The following ATXN1 variants were observed in gnomAD, a reference collection of about 807,000 sequenced individuals.
The protein encoded by ATXN1 is ataxin 1, also known as ataxin-1.
In ATXN1, 8 loss-of-function variants were observed where a neutral mutation model predicts 56.4. That is an observed-to-expected ratio of 0.14 (90% CI 0.08 to 0.26). The LOEUF (loss-of-function observed/expected upper bound fraction) is 0.26. ATXN1 is among the 10% of genes least tolerant of loss of function. ATXN1 has a pLI of 1.00. For synonymous variants in ATXN1, 514 were observed against 494.6 expected, an observed-to-expected ratio of 1.04 and a Z score of -0.52; for missense variants, 987 against 1,106.5, an observed-to-expected ratio of 0.89 and a Z score of 1.53.
intron 5 of ATXN1, among the ~76,000 whole-genome samples, chr6:16,489,977 G>A (rs1760628340): frequency 6.6e-6 from 1 of 152,030 alleles, no homozygotes; most frequent in Non-Finnish European, 1.5e-5. Context: ...TGCTGGTCCA[G>A]GGACCAGACT....
intron 6 of ATXN1, among the ~76,000 whole-genome samples, chr6:16,424,684 T>G (rs921166915): frequency 5.9e-5 from 9 of 152,232 alleles, no homozygotes; most frequent in Non-Finnish European, 1.0e-4. Flanking sequence ...CTCACTGGCC[T>G]GGCTTTGAAA....
rs1422488648 is a variant in ATXN1 at position 16,327,131 on chromosome 6, C to T, written c.1180G>A (p.Asp394Asn). ...TGAGTGGCCTGTTGCACCTCCAGGT[C>T]AGCTGCGGGCGTGTTGCTGTTGGGC... The part of the protein sequence containing the change: ...VLPNSNTPAA[D>N]LEVQQATHRE... The change falls in exon 7 of 8, where the codon GAC becomes AAC. Residue 394 changes from aspartate (D) to asparagine (N), a missense_variant. Asp to Asn is a conservative substitution (Grantham distance 23). Coordinates refer to ENST00000436367, the MANE Select transcript of ATXN1 (RefSeq NM_001128164.2). The T allele has an allele frequency of 6.2e-7, 1 of 1,613,636 alleles. No homozygotes were observed. The highest frequency in any genetic ancestry group is 1.7e-5 in the Admixed American group (1 of 60,032).
intron 6 of ATXN1, among the ~76,000 whole-genome samples, chr6:16,431,126 T>G (rs573851219): frequency 8.6e-5 from 13 of 151,926 alleles, no homozygotes; most frequent in East Asian, 5.8e-4. Flanking sequence ...GGGGTTTTTT[T>G]GGGGGAAATG....
intron 6 of ATXN1, among the ~76,000 whole-genome samples, chr6:16,434,842 C>T (rs974660139): frequency 6.6e-5 from 10 of 152,138 alleles, no homozygotes; most frequent in African/African-American, 1.9e-4. Flanking sequence ...CACATAAATA[C>T]CTATTTTTAT....
At chr6:16,733,144 T>G (rs897365913) in intron 2 of ATXN1, among the ~76,000 whole-genome samples, 6 of 152,226 alleles carry the variant, frequency 3.9e-5, no homozygotes, top group African/African-American at 1.4e-4. Context: ...ATTAAAGCAT[T>G]AAGGGACAAC....
intron 5 of ATXN1, among the ~76,000 whole-genome samples, chr6:16,497,685 C>T (rs903744660): frequency 6.6e-6 from 1 of 152,142 alleles, no homozygotes; most frequent in Non-Finnish European, 1.5e-5. Context: ...GGTGGCAGGG[C>T]CATGCTGGGA....
intron 6 of ATXN1, among the ~76,000 whole-genome samples, chr6:16,351,499 C>A (rs147733686): frequency 2.2e-3 from 332 of 151,882 alleles, no homozygotes; most frequent in African/African-American, 7.5e-3. Context: ...ACCTCCCAGG[C>A]TCAAGCCATC....
intron 6 of ATXN1, among the ~76,000 whole-genome samples, chr6:16,438,461 T>C (rs1259198057): frequency 6.6e-6 from 1 of 152,216 alleles, no homozygotes; most frequent in Non-Finnish European, 1.5e-5. Context: ...AGTGCCAGCT[T>C]TGAGTCAGGT....
intron 2 of ATXN1, among the ~76,000 whole-genome samples, chr6:16,694,181 A>C (rs2113423200): frequency 6.6e-6 from 1 of 151,940 alleles, no homozygotes; most frequent in East Asian, 1.9e-4. Context: ...GTAAGTTAGT[A>C]TTATGCTCCT....
chr6:16,747,825 C>T (rs1024473286), intron 2 of ATXN1, among the ~76,000 whole-genome samples: 1 of 150,964 alleles, frequency 6.6e-6, no homozygotes. Flanking sequence ...GAAAATGAGA[C>T]TGGGCGAGGC....
intron 6 of ATXN1, among the ~76,000 whole-genome samples, chr6:16,363,768 G>C (rs778691338): frequency 6.6e-6 from 1 of 152,190 alleles, no homozygotes; most frequent in East Asian, 1.9e-4. Context: ...GGAGTGGCAG[G>C]TGGGGTCAGG....
intron 5 of ATXN1, among the ~76,000 whole-genome samples, chr6:16,502,421 T>G (rs1760902558): frequency 6.6e-6 from 1 of 152,186 alleles, no homozygotes; most frequent in African/African-American, 2.4e-5. Flanking sequence ...TAAGAGAAAA[T>G]GTGGTTTTCT....
chr6:16,689,229 TGG>T (rs1452480440), intron 2 of ATXN1, among the ~76,000 whole-genome samples: 22 of 152,212 alleles, frequency 1.4e-4, no homozygotes, highest in African/African-American at 4.6e-4. Flanking sequence ...AAAGCAAGTC[TGG>T]GGTCTGGGAC....
At chr6:16,577,071 G>A (rs532914840) in intron 4 of ATXN1, among the ~76,000 whole-genome samples, 2 of 152,222 alleles carry the variant, frequency 1.3e-5, no homozygotes, top group East Asian at 3.9e-4. Context: ...TCATCATGTG[G>A]CATGCTACTT....
At chr6:16,628,654 C>T (rs951119236) in intron 3 of ATXN1, among the ~76,000 whole-genome samples, 4 of 152,160 alleles carry the variant, frequency 2.6e-5, no homozygotes, top group African/African-American at 9.7e-5. Context: ...GTCTGCTGTT[C>T]CCTTCTTTGT....
chr6:16,322,053 C>G (rs1333783643), intron 7 of ATXN1, among the ~76,000 whole-genome samples: 3 of 152,098 alleles, frequency 2.0e-5, no homozygotes, highest in Non-Finnish European at 2.9e-5. Flanking sequence ...AAAACCCTGT[C>G]TCTACAAAAA....
intron 4 of ATXN1, among the ~76,000 whole-genome samples, chr6:16,554,142 T>C (rs1352576014): frequency 6.6e-6 from 1 of 152,200 alleles, no homozygotes; most frequent in Non-Finnish European, 1.5e-5. Context: ...TTTAAGATGA[T>C]GTAATCGAGG....
chr6:16,752,973 A>G lies in ATXN1; in HGVS notation c.-615+260T>C, dbSNP rs1379722599. ...TTAAAATGATGAGGTTCAAGCCCCA[A>G]TTGGCAATTATCAATCATCGCAAAG... On this transcript the variant is annotated intron_variant, in intron 2 of 7. Coordinates refer to ENST00000436367, the MANE Select transcript of ATXN1 (RefSeq NM_001128164.2). 1.6e-4 allele frequency: 45 copies of G among 290,248 alleles called. 1 individual carries two copies. Among genetic ancestry groups the G allele is most frequent in the South Asian group, 1.1e-3 (38 of 33,196 alleles). 18.0% of individuals were successfully genotyped at this position (290,248 alleles called of 1,614,324 possible).
chr6:16,687,314 C>T (rs17606174), intron 2 of ATXN1, among the ~76,000 whole-genome samples: 17,593 of 152,024 alleles, frequency 0.12, 1,101 homozygotes, highest in Middle Eastern at 0.16. Flanking sequence ...TGTCTGGATG[C>T]TACCAATAAA....
Sources: allele counts gnomAD v4.1 joint callset (sites outside exome capture counted in the v4.1 genomes callset), GRCh38; gene constraint gnomAD v4.1.1; transcripts MANE v1.5; gene names NCBI Gene and HGNC (gene_info 2026-07-23, HGNC 2026-07-21).